The following RFX3 variants were observed in gnomAD, a reference collection of about 807,000 sequenced individuals.
RFX3 encodes the protein transcription factor RFX3.
RFX3 carries 14 observed loss-of-function variants against 98.6 expected under a neutral mutation model. The ratio of observed to expected loss-of-function variants is 0.14; its 90% CI spans 0.09 to 0.22. The LOEUF (loss-of-function observed/expected upper bound fraction) is 0.22, where lower values mean the gene tolerates loss of function less well. RFX3 is among the 10% of genes least tolerant of loss of function. The probability of loss-of-function intolerance (pLI) is 1.00; values close to 1 mark genes in which losing one functional copy is unlikely to be tolerated. For synonymous variants in RFX3, 383 were observed against 328.4 expected, an observed-to-expected ratio of 1.17 and a Z score of -1.80; for missense variants, 639 against 926.9, an observed-to-expected ratio of 0.69 and a Z score of 4.03.
chr9:3,516,623 C>A (rs908308660), intron 1 of RFX3, among the ~76,000 whole-genome samples: 1 of 152,064 alleles, frequency 6.6e-6, no homozygotes, highest in Non-Finnish European at 1.5e-5. Flanking sequence ...AGTTGAATAG[C>A]TTCAATAATT....
intron 1 of RFX3, among the ~76,000 whole-genome samples, chr9:3,402,577 AT>A (rs1435751265): frequency 6.6e-6 from 1 of 152,094 alleles, no homozygotes; most frequent in African/African-American, 2.4e-5. Flanking sequence ...ACAGAAAAAA[AT>A]AAATGTTTTG....
In RFX3 at chr9:3,270,588, T is replaced by G. The variant is rs1017241964; in HGVS notation, c.1203-63A>C. On this transcript the variant is annotated intron_variant, in intron 10 of 16. Transcript: ENST00000617270. ...ATGAGGATAAAAAAGAAAATGGACT[T>G]TAAAAATAGTTTAAGTTTACCAAAT... 43 of 1,500,176 alleles carry G rather than the reference T, an allele frequency of 2.9e-5. No individual in the cohort carries two copies. The highest frequency in any genetic ancestry group is 5.4e-5 in the Admixed American group (3 of 55,470). The allele number at this position is 1,500,176 out of a possible 1,614,324, so 92.9% of individuals were successfully genotyped here.
intron 1 of RFX3, among the ~76,000 whole-genome samples, chr9:3,449,088 C>T (rs1163599090): frequency 6.6e-6 from 1 of 152,050 alleles, no homozygotes; most frequent in East Asian, 1.9e-4. Context: ...CCCCTCTGTA[C>T]CTCATTTTTT....
At chr9:3,415,467 C>T (rs1842905091) in intron 1 of RFX3, among the ~76,000 whole-genome samples, 1 of 152,000 alleles carries the variant, frequency 6.6e-6, no homozygotes, top group Non-Finnish European at 1.5e-5. Context: ...AAGAATAAAA[C>T]TAACAAGACC....
intron 2 of RFX3, among the ~76,000 whole-genome samples, chr9:3,378,560 T>C (rs1025850668): frequency 5.4e-5 from 8 of 148,360 alleles, no homozygotes; most frequent in African/African-American, 2.0e-4. Context: ...TCTTTCTTTT[T>C]TTTTTTTTTT....
At chr9:3,492,841 G>C (rs184346456) in intron 1 of RFX3, among the ~76,000 whole-genome samples, 1 of 151,974 alleles carries the variant, frequency 6.6e-6, no homozygotes, top group East Asian at 1.9e-4. Context: ...GAGGTCAGAG[G>C]ATGTTTGATT....
At chr9:3,375,769 G>GT (rs1838396824) in intron 2 of RFX3, among the ~76,000 whole-genome samples, 1 of 151,994 alleles carries the variant, frequency 6.6e-6, no homozygotes, top group Admixed American at 6.6e-5. Context: ...GACCATCCTG[G>GT]CTAACACGGT....
intron 1 of RFX3, among the ~76,000 whole-genome samples, chr9:3,416,502 G>A (rs1406868194): frequency 5.4e-5 from 8 of 148,360 alleles, no homozygotes; most frequent in African/African-American, 2.0e-4. Flanking sequence ...TTATTAGGGG[G>A]AAAAAAAGCC....
At chr9:3,377,150 T>C (rs1193553036) in intron 2 of RFX3, among the ~76,000 whole-genome samples, 1 of 152,174 alleles carries the variant, frequency 6.6e-6, no homozygotes, top group Admixed American at 6.5e-5. Context: ...CACACGTATG[T>C]TTATTGCAGC....
At chr9:3,270,629 A>C in intron 10 of RFX3, 104 bp from the exon 11 acceptor site, 3 of 1,152,832 alleles carry the variant, frequency 2.6e-6, no homozygotes, top group Non-Finnish European at 3.7e-6. Flanking sequence ...TGAGGTTAGA[A>C]CTATACCACC....
At chr9:3,292,473 A>G (rs916178425) in intron 6 of RFX3, among the ~76,000 whole-genome samples, 7 of 152,106 alleles carry the variant, frequency 4.6e-5, no homozygotes, top group African/African-American at 1.7e-4. Flanking sequence ...TTAAGAGCAG[A>G]AAAAAAAGTA....
intron 1 of RFX3, among the ~76,000 whole-genome samples, chr9:3,459,697 T>C (rs1008704867): frequency 1.3e-5 from 2 of 152,150 alleles, no homozygotes; most frequent in Non-Finnish European, 1.5e-5. Flanking sequence ...TGTGCTTCAG[T>C]AATTTCATGG....
rs143687589 is a variant in RFX3, at chr9:3,506,508, C to T, written c.-9+19239G>A. Among the ~76,000 whole-genome samples the T allele has an allele frequency of 3.3e-5, 5 of 151,898 alleles. No homozygotes were observed. The East Asian group carries it at 9.7e-4, about 29-fold the overall frequency. The stretch of plus-strand genomic sequence containing the variant: ...CCCAAAGCAAGGTTCCCATAATGCC[C>T]CGCATGTCTCTCCTATATTAAGGAA... On this transcript the variant is annotated intron_variant, in intron 1 of 16. Coordinates refer to ENST00000617270, the MANE Select transcript of RFX3 (RefSeq NM_001282116.2).
At chr9:3,257,344 G>T in intron 13 of RFX3, 145 bp from the exon 14 acceptor site, 1 of 671,248 alleles carries the variant, frequency 1.5e-6, no homozygotes, top group South Asian at 2.0e-5. Context: ...AAAACTACTT[G>T]TCAATTGTTA....
chr9:3,469,535 AT>A (rs1848591841), intron 1 of RFX3, among the ~76,000 whole-genome samples: 1 of 152,106 alleles, frequency 6.6e-6, no homozygotes, highest in South Asian at 2.1e-4. Context: ...GTGAACATAA[AT>A]TTGTTTTGCA....
intron 15 of RFX3, among the ~76,000 whole-genome samples, chr9:3,236,270 C>G (rs1445288539): frequency 6.6e-6 from 1 of 152,060 alleles, no homozygotes; most frequent in African/African-American, 2.4e-5. Context: ...GCTGTTGACA[C>G]CATACATGCA....
chr9:3,496,547 G>C (rs942977201), intron 1 of RFX3, among the ~76,000 whole-genome samples: 1 of 151,926 alleles, frequency 6.6e-6, no homozygotes, highest in Admixed American at 6.6e-5. Context: ...CCAGAAAGAT[G>C]AAAATAAGAA....
intron 4 of RFX3, among the ~76,000 whole-genome samples, chr9:3,317,801 C>G (rs1436463160): frequency 3.3e-5 from 5 of 152,172 alleles, no homozygotes; most frequent in Admixed American, 3.3e-4. Context: ...CAGAGAAATG[C>G]AAATCATAAC....
chr9:3,502,174 G>T (rs1816099869), intron 1 of RFX3, among the ~76,000 whole-genome samples: 1 of 151,536 alleles, frequency 6.6e-6, no homozygotes. Flanking sequence ...CAGGAGAATG[G>T]TGTGAACCCG....
Sources: allele counts gnomAD v4.1 joint callset (sites outside exome capture counted in the v4.1 genomes callset), GRCh38; gene constraint gnomAD v4.1.1; transcripts MANE v1.5; gene names NCBI Gene and HGNC (gene_info 2026-07-23, HGNC 2026-07-21).